TRAPPC9: variants seen among roughly 807,000 people sequenced by gnomAD.
TRAPPC9 encodes the protein IKK2 binding protein.
TRAPPC9 carries 83 observed loss-of-function variants against 124.0 expected under a neutral mutation model. The observed-to-expected ratio is 0.67, with a 90% CI of 0.56 to 0.80. TRAPPC9 has a LOEUF of 0.80. Among genes scored for constraint, TRAPPC9 ranks in the 30% least tolerant of loss-of-function variants. TRAPPC9 has a pLI of 0.00. For synonymous variants in TRAPPC9, 638 were observed against 617.5 expected (o/e 1.03, Z -0.49); for missense variants, 1,302 against 1,508.3 (o/e 0.86, Z 2.27).
chr8:140,142,065 C>T (rs1259089100), intron 17 of TRAPPC9, among the ~76,000 whole-genome samples: 1 of 152,188 alleles, frequency 6.6e-6, no homozygotes, highest in Non-Finnish European at 1.5e-5. Flanking sequence ...GCATCATCTG[C>T]AGCAGCATTC....
At chr8:139,908,228 T>G (rs1831486234) in intron 20 of TRAPPC9, among the ~76,000 whole-genome samples, 1 of 152,122 alleles carries the variant, frequency 6.6e-6, no homozygotes, top group South Asian at 2.1e-4. Flanking sequence ...GGAGAATGAA[T>G]AACCTCCTGC....
chr8:139,751,796 T>A (rs11166924), intron 21 of TRAPPC9, among the ~76,000 whole-genome samples: 36,775 of 150,676 alleles, frequency 0.24, 6,362 homozygotes, highest in African/African-American at 0.5. Context: ...GCCCCTTTGA[T>A]TTTATTGGCT....
chr8:139,795,774 G>C (rs549782573), intron 21 of TRAPPC9, among the ~76,000 whole-genome samples: 3 of 152,224 alleles, frequency 2.0e-5, no homozygotes, highest in South Asian at 2.1e-4. Context: ...GGTGGGAGGC[G>C]GACCTCTGGG....
chr8:140,364,962 C>G (rs1158047419), intron 8 of TRAPPC9, among the ~76,000 whole-genome samples: 1 of 150,748 alleles, frequency 6.6e-6, no homozygotes, highest in African/African-American at 2.4e-5. Flanking sequence ...GGGCAGACCC[C>G]TCCCTGGCCC....
At chr8:139,985,504 A>T (rs192419241) in intron 19 of TRAPPC9, among the ~76,000 whole-genome samples, 1 of 152,288 alleles carries the variant, frequency 6.6e-6, no homozygotes, top group Admixed American at 6.5e-5. Context: ...GAGGTGCCGC[A>T]GCATCCAGCC....
At chr8:139,792,777 C>A (rs1392953931) in intron 21 of TRAPPC9, among the ~76,000 whole-genome samples, 1 of 152,242 alleles carries the variant, frequency 6.6e-6, no homozygotes, top group Non-Finnish European at 1.5e-5. Flanking sequence ...GCTCAGCCTG[C>A]ACCCCACCTG....
At chr8:140,410,563 G>T (rs1048854459) in intron 5 of TRAPPC9, among the ~76,000 whole-genome samples, 1 of 152,038 alleles carries the variant, frequency 6.6e-6, no homozygotes, top group Non-Finnish European at 1.5e-5. Flanking sequence ...AAAAAAAAAG[G>T]CCGGGCGCAG....
intron 17 of TRAPPC9, among the ~76,000 whole-genome samples, chr8:140,180,258 T>A (rs1409185388): frequency 6.6e-6 from 1 of 152,018 alleles, no homozygotes; most frequent in Non-Finnish European, 1.5e-5. Context: ...CATTTCAATG[T>A]GCATCTTAAA....
chr8:139,752,142 G>A (rs537111528), intron 21 of TRAPPC9, among the ~76,000 whole-genome samples: 2 of 136,976 alleles, frequency 1.5e-5, no homozygotes, highest in Non-Finnish European at 3.1e-5. Context: ...TCTATATATC[G>A]ATCCATCTAT....
chr8:140,300,692 G>T, intron 10 of TRAPPC9, 78 bp from the exon 11 acceptor site: 1 of 1,568,232 alleles, frequency 6.4e-7, no homozygotes, highest in Non-Finnish European at 8.8e-7. Flanking sequence ...CAAACATGAT[G>T]TATCAGAAAA....
chr8:139,879,272 T>C (rs1031483725), intron 21 of TRAPPC9, among the ~76,000 whole-genome samples: 4 of 151,156 alleles, frequency 2.6e-5, no homozygotes, highest in Non-Finnish European at 4.4e-5. Context: ...GGGTGAGGAG[T>C]GGGTGGGTCC....
chr8:139,829,106 TTCG>T (rs1298039172), intron 21 of TRAPPC9, among the ~76,000 whole-genome samples: 2 of 152,092 alleles, frequency 1.3e-5, no homozygotes, highest in African/African-American at 4.8e-5. Flanking sequence ...TGTACAAATC[TTCG>T]TCTATATTTA....
intron 20 of TRAPPC9, among the ~76,000 whole-genome samples, chr8:139,905,243 G>A (rs972785829): frequency 5.9e-5 from 9 of 152,080 alleles, no homozygotes; most frequent in African/African-American, 9.7e-5. Context: ...GGTCTGGGTC[G>A]GGGGGCTGGG....
At chr8:140,092,907 T>C (rs1844667901) in intron 17 of TRAPPC9, among the ~76,000 whole-genome samples, 2 of 152,258 alleles carry the variant, frequency 1.3e-5, no homozygotes, top group East Asian at 1.9e-4. Flanking sequence ...TTACACCCTC[T>C]AGGCTTTATT....
intron 17 of TRAPPC9, among the ~76,000 whole-genome samples, chr8:140,131,107 A>G (rs2061201555): frequency 6.6e-6 from 1 of 152,178 alleles, no homozygotes; most frequent in African/African-American, 2.4e-5. Context: ...AAGGTGTTCA[A>G]TTATTCAATT....
intron 9 of TRAPPC9, among the ~76,000 whole-genome samples, chr8:140,312,048 G>A (rs2131886649): frequency 6.6e-6 from 1 of 152,346 alleles, no homozygotes; most frequent in East Asian, 1.9e-4. Context: ...GGCTGGCTCA[G>A]GAAGGCAGGC....
At chr8:140,299,693 TG>T (rs2131819723) in intron 11 of TRAPPC9, among the ~76,000 whole-genome samples, 1 of 152,214 alleles carries the variant, frequency 6.6e-6, no homozygotes, top group Admixed American at 6.5e-5. Context: ...CAGCAAGGGA[TG>T]GGGAGCTTGG....
At chr8:140,280,888 A>G (rs1047393303) in intron 14 of TRAPPC9, among the ~76,000 whole-genome samples, 33 of 152,148 alleles carry the variant, frequency 2.2e-4, no homozygotes, top group African/African-American at 8.0e-4. Context: ...ACATCAGAGG[A>G]CTCACGCTCT....
chr8:140,299,622 G>A (rs2065909118), intron 11 of TRAPPC9, among the ~76,000 whole-genome samples: 1 of 152,242 alleles, frequency 6.6e-6, no homozygotes, highest in Non-Finnish European at 1.5e-5. Context: ...TCAGCCGGCA[G>A]TGGTCCCCAG....
Sources: allele counts gnomAD v4.1 joint callset (sites outside exome capture counted in the v4.1 genomes callset), GRCh38; gene constraint gnomAD v4.1.1; transcripts MANE v1.5; gene names NCBI Gene and HGNC (gene_info 2026-07-23, HGNC 2026-07-21).